Variants in WWOX observed in about 807,000 individuals in gnomAD.
WWOX encodes WW domain containing oxidoreductase, also known as WW domain-containing oxidoreductase.
In WWOX, 69 loss-of-function variants were observed where a neutral mutation model predicts 46.2. That is an observed-to-expected ratio of 1.49 (90% CI 1.23 to 1.82). The LOEUF is 1.82. Among genes scored for constraint, WWOX ranks in the 40% most tolerant of loss-of-function variants. The probability of loss-of-function intolerance (pLI) is 0.00; values close to 1 mark genes in which losing one functional copy is unlikely to be tolerated. For missense variants in WWOX, 919 were observed against 542.6 expected (o/e 1.69, Z -6.89); for synonymous variants, 359 against 202.6 (o/e 1.77, Z -6.56).
intron 8 of WWOX, among the ~76,000 whole-genome samples, chr16:79,055,681 C>G (rs1465313962): frequency 1.3e-5 from 2 of 152,164 alleles, no homozygotes; most frequent in Non-Finnish European, 2.9e-5. Context: ...CAATGAATAA[C>G]CAGAGCAAAC....
chr16:78,606,662 C>G (rs2045765250), intron 8 of WWOX, among the ~76,000 whole-genome samples: 2 of 146,396 alleles, frequency 1.4e-5, no homozygotes, highest in Admixed American at 6.9e-5. Flanking sequence ...CACATCCAGA[C>G]AAATGTGAAG....
At chr16:78,100,037 T>A in intron 1 of WWOX, 152 bp downstream of exon 1, 1 of 1,436,202 alleles carries the variant, frequency 7.0e-7, no homozygotes, top group Non-Finnish European at 9.1e-7. Flanking sequence ...GGGTCCAGGG[T>A]TCCCAGTAGG....
At chr16:78,870,544 G>A (rs982454614) in intron 8 of WWOX, among the ~76,000 whole-genome samples, 2 of 151,446 alleles carry the variant, frequency 1.3e-5, no homozygotes, top group Admixed American at 1.3e-4. Flanking sequence ...TTTTAAATAT[G>A]TAATTCTTCC....
At chr16:78,558,599 A>T in intron 8 of WWOX, among the ~76,000 whole-genome samples, 1 of 152,124 alleles carries the variant, frequency 6.6e-6, no homozygotes, top group East Asian at 1.9e-4. Context: ...TAGGCATTGG[A>T]GATTTCTGTT....
chr16:78,441,875 A>C (rs546238483), intron 8 of WWOX, among the ~76,000 whole-genome samples: 4 of 152,048 alleles, frequency 2.6e-5, no homozygotes, highest in African/African-American at 9.6e-5. Context: ...TAGATACTCA[A>C]TAACCATTAT....
At chr16:78,222,532 C>T (rs776307055) in intron 5 of WWOX, among the ~76,000 whole-genome samples, 3 of 152,058 alleles carry the variant, frequency 2.0e-5, no homozygotes, top group Non-Finnish European at 4.4e-5. Context: ...ATTTTGCAGC[C>T]GAGACATCGG....
At chr16:78,544,872 C>CA (rs201713047) in intron 8 of WWOX, among the ~76,000 whole-genome samples, 1 of 151,822 alleles carries the variant, frequency 6.6e-6, no homozygotes, top group African/African-American at 2.4e-5. Context: ...GAGACTATCT[C>CA]AAAAAAGAAA....
At chr16:78,890,453 C>T (rs1473715242) in intron 8 of WWOX, 1 of 151,712 alleles carries the variant, frequency 6.6e-6, no homozygotes, top group Non-Finnish European at 1.5e-5. Flanking sequence ...AGACTGTTCC[C>T]CCAGCCCCAG....
intron 5 of WWOX, among the ~76,000 whole-genome samples, chr16:78,231,647 A>T (rs1252445354): frequency 6.6e-6 from 1 of 152,180 alleles, no homozygotes; most frequent in Non-Finnish European, 1.5e-5. Flanking sequence ...GCATCATGAT[A>T]AATTCATAAC....
At chr16:78,863,558 T>C (rs924498937) in intron 8 of WWOX, among the ~76,000 whole-genome samples, 9 of 152,204 alleles carry the variant, frequency 5.9e-5, no homozygotes, top group African/African-American at 2.2e-4. Context: ...TCTTTCGGCA[T>C]TGTGGCTCCC....
chr16:78,223,966 A>G (rs183768310), intron 5 of WWOX, among the ~76,000 whole-genome samples: 16 of 152,324 alleles, frequency 1.1e-4, no homozygotes, highest in African/African-American at 3.4e-4. Context: ...ATGATTTGTC[A>G]GTAGAAAGGA....
At chr16:78,282,388 G>A (rs1017039520) in intron 5 of WWOX, among the ~76,000 whole-genome samples, 2 of 152,190 alleles carry the variant, frequency 1.3e-5, no homozygotes, top group Non-Finnish European at 2.9e-5. Flanking sequence ...CTGTTGGATG[G>A]TCTCTTACTA....
chr16:79,156,666 A>G (rs945143498), intron 8 of WWOX, among the ~76,000 whole-genome samples: 3 of 152,062 alleles, frequency 2.0e-5, no homozygotes, highest in African/African-American at 7.3e-5. Flanking sequence ...TTACAGAGGT[A>G]ATTGCTCACA....
chr16:78,909,597 T>G (rs1447148540), intron 8 of WWOX, among the ~76,000 whole-genome samples: 3 of 152,166 alleles, frequency 2.0e-5, no homozygotes. Flanking sequence ...CACAGAGGCT[T>G]TCTGGAAATG....
At chr16:78,353,790 G>T (rs906029869) in intron 5 of WWOX, among the ~76,000 whole-genome samples, 4 of 152,340 alleles carry the variant, frequency 2.6e-5, no homozygotes, top group Admixed American at 1.3e-4. Flanking sequence ...GGCAGGATCT[G>T]CAAGGTCAGC....
intron 8 of WWOX, among the ~76,000 whole-genome samples, chr16:79,008,331 G>T (rs549966359): frequency 9.9e-5 from 15 of 152,154 alleles, no homozygotes; most frequent in Non-Finnish European, 2.1e-4. Flanking sequence ...AGGGCCTAGC[G>T]ATTAGATCAG....
At chr16:78,117,903 C>CGG (rs1397730240) in intron 4 of WWOX, among the ~76,000 whole-genome samples, 1 of 151,974 alleles carries the variant, frequency 6.6e-6, no homozygotes, top group African/African-American at 2.4e-5. Context: ...TTCTCTAAGG[C>CGG]GGGGTGGGCT....
At chr16:78,385,442 A>G (rs529503766) in intron 5 of WWOX, among the ~76,000 whole-genome samples, 2 of 152,200 alleles carry the variant, frequency 1.3e-5, no homozygotes, top group South Asian at 2.1e-4. Context: ...TTACAAACCT[A>G]TGAGTAGATG....
At chr16:78,642,337 G>T (rs906238093) in intron 8 of WWOX, among the ~76,000 whole-genome samples, 20 of 152,160 alleles carry the variant, frequency 1.3e-4, no homozygotes, top group Non-Finnish European at 2.2e-4. Context: ...TGAACCCAGG[G>T]CTTCTGTCTC....
Sources: gnomAD v4.1 joint callset for allele counts (sites outside exome capture counted in the v4.1 genomes callset) on GRCh38, gnomAD v4.1.1 for gene constraint, MANE v1.5 for transcripts, NCBI Gene and HGNC (gene_info 2026-07-23, HGNC 2026-07-21) for gene names.